Variants in PCDH1 observed in about 807,000 individuals in gnomAD.
PCDH1 encodes protocadherin-1.
A neutral mutation model predicts 74.6 loss-of-function variants in PCDH1; 23 were observed. That is an observed-to-expected ratio of 0.31 (90% CI 0.22 to 0.44). The LOEUF is 0.44. Ranked by LOEUF, PCDH1 falls within the 20% of genes least tolerant of loss-of-function variation. The pLI, the probability that PCDH1 is intolerant of heterozygous loss-of-function variation, is 1.00. For missense variants in PCDH1, 1,214 were observed against 1,641.4 expected (o/e 0.74, Z 4.50); for synonymous variants, 647 against 686.1 (o/e 0.94, Z 0.89).
Position 141,868,758 on chromosome 5 carries a change from C to T in PCDH1, c.714G>A (p.Leu238=). ...CATAGGAGTCCCAGCGCTCACGGTCCAGGTTGCCCATCACAATGAGCTGTG... is the reference window on the plus strand; with the variant it reads ...CATAGGAGTCCCAGCGCTCACGGTCTAGGTTGCCCATCACAATGAGCTGTG... ...KQPQLIVMGN[L]DRERWDSYDL... is the part of the protein sequence containing the mutation. The change falls in exon 2 of 5, where the codon CTG becomes CTA. Residue 238 remains leucine, a synonymous_variant. Transcript: ENST00000287008. The surrounding 1 kb of genome is among the most constrained non-coding windows in gnomAD (Gnocchi z 4.8). 1 of 1,614,154 alleles carries T rather than the reference C, an allele frequency of 6.2e-7. No individual in the cohort carries two copies. The highest frequency in any genetic ancestry group is 1.1e-5 in the South Asian group (1 of 91,086).
At position 141,863,846 on chromosome 5, in the gene PCDH1, T is replaced by C; in HGVS notation, c.2485A>G (p.Ser829Gly). 2 of 1,614,188 alleles carry C rather than the reference T, an allele frequency of 1.2e-6. No individual in the cohort carries two copies. Among genetic ancestry groups the C allele is most frequent in the East Asian group, 2.2e-5 (1 of 44,882 alleles). ...TCAATATCCAGCGGCGTGTCCAGGCTGTGGCCCAGGAGGGTCTCCAGCAGC... is the reference window on the plus strand; with the variant it reads ...TCAATATCCAGCGGCGTGTCCAGGCCGTGGCCCAGGAGGGTCTCCAGCAGC... ...RTLLETLLGH[S>G]LDTPLDIDIA... The change falls in exon 3 of 5, where the codon AGC becomes GGC. Residue 829 changes from serine to glycine, a missense_variant. Physicochemically the swap from Ser to Gly is moderately conservative, Grantham distance 56 (BLOSUM62 0). Transcript: ENST00000287008. This position sits in a 1 kb window ranked among gnomAD's most constrained non-coding sequence, Gnocchi z 7.5.
At chr5:141,859,431 CA>C (rs1290882264) in intron 3 of PCDH1, among the ~76,000 whole-genome samples, 1 of 152,110 alleles carries the variant, frequency 6.6e-6, no homozygotes, top group East Asian at 1.9e-4. Context: ...AAGCCCAGAT[CA>C]AAAAATCTCT....
At chr5:141,856,303 G>T in intron 4 of PCDH1, 3 of 1,522,284 alleles carry the variant, frequency 2.0e-6, no homozygotes, top group Non-Finnish European at 8.8e-7. Context: ...ATGAGATCGC[G>T]CATGGAGGGG....
In PCDH1 at chr5:141,863,933, G is replaced by A. The variant is rs538786315; in HGVS notation, c.2398C>T (p.Pro800Ser). 1.2e-5 allele frequency: 19 copies of A among 1,614,058 alleles called. No homozygotes were observed. In the African/African-American group the frequency reaches 2.4e-4, roughly 20 times the overall value. ...ACCAAGGCTGTGCCATAGCGTGGGG[G>A]CTTGCCGCGGTCACTGACCTTCACC... is the stretch of plus-strand genomic sequence containing the variant. ...LVVKVSDRGKPPRYGTALVHL... is the reference protein window; with the variant it reads ...LVVKVSDRGKSPRYGTALVHL... Residue 800 changes from proline (P) to serine (S), a missense_variant, in exon 3 of 5, where the codon CCC becomes TCC. Around this residue, in one of 4 missense-constraint regions of PCDH1, gnomAD observed 836 missense variants for 1,182.2 expected, o/e 0.71. Transcript: ENST00000287008. This position sits in a 1 kb window ranked among gnomAD's most constrained non-coding sequence, Gnocchi z 7.5.
rs1235954983 is a variant in PCDH1 at position 141,869,096 on chromosome 5, G to T, written c.376C>A (p.Gln126Lys). ...DREGLRECQNQLPGDPCILEF... is the reference protein window; with the variant it reads ...DREGLRECQNKLPGDPCILEF... ...AGGATGCAGGGATCACCAGGGAGCT[G>T]GTTCTGGCATTCACGGAGCCCCTCA... The change falls in exon 2 of 5, where the codon CAG becomes AAG. Residue 126 changes from glutamine to lysine, a missense_variant. By Grantham distance (53) the Gln-to-Lys change is moderately conservative (BLOSUM62 1). Transcript: ENST00000287008. The surrounding 1 kb of genome is among the most constrained non-coding windows in gnomAD (Gnocchi z 4.9). The T allele has an allele frequency of 6.2e-7, 1 of 1,613,648 alleles. No individual in the cohort carries two copies. The highest frequency in any genetic ancestry group is 1.7e-5 in the Admixed American group (1 of 59,960).
intron 2 of PCDH1, among the ~76,000 whole-genome samples, chr5:141,866,782 A>G (rs1173583896): frequency 1.3e-5 from 2 of 152,214 alleles, no homozygotes. Context: ...TGCCCGGCAC[A>G]GGGAAAGTGC....
rs915812574 is a variant in PCDH1, at chr5:141,856,190, A to ACAGACCC, written c.3319+1055_3319+1061dup. On this transcript the variant is annotated intron_variant, in intron 4 of 4. Transcript: ENST00000287008. The stretch of plus-strand genomic sequence containing the variant: ...GAGGCTGGGTGCTGGGCAGAGTCCC[A>ACAGACCC]CAGACCCCAGACCCCAGAGCAGTTC... 9.1e-6 allele frequency: 14 copies of ACAGACCC among 1,534,056 alleles called. No individual in the cohort carries two copies. The Admixed American group carries it at 2.2e-4, about 24-fold the overall frequency.
Position 141,854,451 on chromosome 5 carries a change from G to C in PCDH1, c.3320-15C>G. The C allele has an allele frequency of 1.3e-6, 2 of 1,583,648 alleles. No individual in the cohort carries two copies. Among genetic ancestry groups the C allele is most frequent in the South Asian group, 1.2e-5 (1 of 85,726 alleles). ...AGGGCGAAGGTCTGTAGGAGGGAGC[G>C]GGGAAGGACAATTGTCAGACATACA... On this transcript the variant is annotated splice_polypyrimidine_tract_variant and intron_variant, in intron 4 of 4. Coordinates refer to ENST00000287008, the MANE Select transcript of PCDH1 (RefSeq NM_032420.5).
chr5:141,855,728 A>G (rs1053350169), intron 4 of PCDH1, among the ~76,000 whole-genome samples: 2 of 152,110 alleles, frequency 1.3e-5, no homozygotes, highest in East Asian at 3.9e-4. Flanking sequence ...ACGCTCATGC[A>G]GCCCCTCCCC....
intron 1 of PCDH1, among the ~76,000 whole-genome samples, chr5:141,873,664 TAGCCAGGATGGTCTTGATCTCCTG>T (rs1227406210): frequency 1.3e-5 from 2 of 151,088 alleles, no homozygotes; most frequent in Non-Finnish European, 3.0e-5. Context: ...TTCACCGTGT[TAGCCAGGATGGTCTTGATCTCCTG>T]ACCTCGTGAT....
In PCDH1 at chr5:141,878,325, G is replaced by GGGCTCCGGCTCC. The variant is rs965871001; in HGVS notation, c.-75_-64dup. On this transcript the variant is annotated 5_prime_UTR_variant, in exon 1 of 5. Coordinates refer to ENST00000287008, the MANE Select transcript of PCDH1 (RefSeq NM_032420.5). This position sits in a 1 kb window ranked among gnomAD's most constrained non-coding sequence, Gnocchi z 5.5. Reference sequence around the variant, plus strand: ...ACGGCTGGGGCTGGAGCTGCAGTTCGGGCTCCGGCTCCGGCTCCGGCTGGC... The same window carrying GGGCTCCGGCTCC: ...ACGGCTGGGGCTGGAGCTGCAGTTCGGGCTCCGGCTCCGGCTCCGGCTCCGGCTCCGGCTGGC... 2.1e-5 allele frequency: 24 copies of GGGCTCCGGCTCC among 1,153,968 alleles called. No individual in the cohort carries two copies. Among genetic ancestry groups the GGGCTCCGGCTCC allele is most frequent in the Non-Finnish European group, 2.3e-5 (21 of 928,844 alleles). The allele number at this position is 1,153,968 out of a possible 1,614,324, so 71.5% of individuals were successfully genotyped here. A position where few individuals can be genotyped will look rare whatever the true frequency, so the allele number is the denominator to read the frequency against.
At chr5:141,874,714 C>T (rs1753177009) in intron 1 of PCDH1, among the ~76,000 whole-genome samples, 1 of 152,198 alleles carries the variant, frequency 6.6e-6, no homozygotes, top group Admixed American at 6.5e-5. Context: ...AGAGAAAAAA[C>T]ACACAGAGGC....
At chr5:141,856,542 GC>G (rs1752346721) in intron 4 of PCDH1, among the ~76,000 whole-genome samples, 1 of 152,082 alleles carries the variant, frequency 6.6e-6, no homozygotes, top group South Asian at 2.1e-4. Context: ...TCCACAGGCT[GC>G]CATGGACGAC....
At chr5:141,859,111 T>A (rs1291057902) in intron 3 of PCDH1, among the ~76,000 whole-genome samples, 2 of 151,952 alleles carry the variant, frequency 1.3e-5, no homozygotes, top group Admixed American at 6.5e-5. Flanking sequence ...AAAACTAACA[T>A]GGATGTTTGG....
At chr5:141,866,119 C>T (rs1472205325) in intron 2 of PCDH1, 1 of 985,532 alleles carries the variant, frequency 1.0e-6, no homozygotes, top group African/African-American at 1.7e-5. Flanking sequence ...TGAAAGAAGT[C>T]AGGTAGGGTT....
chr5:141,877,766 G>C (rs1260525512), intron 1 of PCDH1, among the ~76,000 whole-genome samples: 1 of 152,214 alleles, frequency 6.6e-6, no homozygotes, highest in Non-Finnish European at 1.5e-5. Flanking sequence ...GGGTGCCCGC[G>C]AGAAGCTGGA....
At chr5:141,866,243 T>C (rs1463629986) in intron 2 of PCDH1, 8 of 985,368 alleles carry the variant, frequency 8.1e-6, no homozygotes, top group Non-Finnish European at 9.6e-6. Flanking sequence ...GAGGCACCAA[T>C]GCGAGGAATC....
rs1295359920 is a variant in PCDH1 at position 141,869,430 on chromosome 5, G to A, written c.42C>T (p.Ala14=). Residue 14 remains alanine (A), a splice_region_variant and synonymous_variant, in exon 2 of 5, where the codon GCC becomes GCT. Coordinates refer to ENST00000287008, the MANE Select transcript of PCDH1 (RefSeq NM_032420.5). The surrounding 1 kb of genome is among the most constrained non-coding windows in gnomAD (Gnocchi z 4.9). ...GAGGRRCPEA[A]LLILGPPRME... ...TCCTGGGAGGCCCCAGAATCAGGAG[G>A]GCTGCAAGGGGAAGAGGCAAAACAG... The A allele has an allele frequency of 6.3e-7, 1 of 1,596,642 alleles. No homozygotes were observed. The highest frequency in any genetic ancestry group is 1.1e-5 in the South Asian group (1 of 89,810).
Position 141,854,027 on chromosome 5 carries a change from C to G in PCDH1, c.*15G>C. ...CGGCGGCTGGGGGAGGGGGGCCGGCCGGCCAGTAGGGGGCTCACAGGTAGA... is the reference window on the plus strand; with the variant it reads ...CGGCGGCTGGGGGAGGGGGGCCGGCGGGCCAGTAGGGGGCTCACAGGTAGA... On this transcript the variant is annotated 3_prime_UTR_variant, in exon 5 of 5. Transcript: ENST00000287008. 1 of 1,478,726 alleles carries G rather than the reference C, an allele frequency of 6.8e-7. No homozygotes were observed. The highest frequency in any genetic ancestry group is 9.0e-7 in the Non-Finnish European group (1 of 1,114,798). The allele number at this position is 1,478,726 out of a possible 1,614,324, so 91.6% of individuals were successfully genotyped here. A position where few individuals can be genotyped will look rare whatever the true frequency, so the allele number is the denominator to read the frequency against.
Sources: allele counts gnomAD v4.1 joint callset (sites outside exome capture counted in the v4.1 genomes callset), GRCh38; gene constraint gnomAD v4.1.1; regional missense constraint gnomAD v4.1.1; non-coding constraint Gnocchi (gnomAD v3.1); transcripts MANE v1.5; gene names NCBI Gene and HGNC (gene_info 2026-07-23, HGNC 2026-07-21).